SGCE: variants seen among roughly 807,000 people sequenced by gnomAD.
SGCE encodes the protein sarcoglycan epsilon.
In SGCE, 26 loss-of-function variants were observed where a neutral mutation model predicts 57.8. The observed-to-expected ratio is 0.45, with a 90% CI of 0.33 to 0.62. SGCE has a LOEUF of 0.62. SGCE is among the 20% of genes least tolerant of loss of function. The pLI is 0.02. For missense variants in SGCE, 468 were observed against 548.6 expected (o/e 0.85, Z 1.47); for synonymous variants, 183 against 189.5 (o/e 0.97, Z 0.28).
chr7:94,600,638 G>T lies in SGCE; in HGVS notation c.1037+8C>A. On this transcript the variant is annotated splice_region_variant and intron_variant, in intron 7 of 10. Coordinates refer to ENST00000648936, the MANE Select transcript of SGCE (RefSeq NM_003919.3). ...CTCTAATTATCTTATTAGTTTTAAAGTACTCACACGCCTTCCCGTCGGCAG... is the reference window on the plus strand; with the variant it reads ...CTCTAATTATCTTATTAGTTTTAAATTACTCACACGCCTTCCCGTCGGCAG... The T allele has an allele frequency of 6.3e-7, 1 of 1,599,824 alleles. No homozygotes were observed. The highest frequency in any genetic ancestry group is 8.6e-7 in the Non-Finnish European group (1 of 1,167,560).
chr7:94,654,334 A>G (rs886205354), intron 1 of SGCE, among the ~76,000 whole-genome samples: 6 of 152,168 alleles, frequency 3.9e-5, no homozygotes, highest in African/African-American at 1.2e-4. Context: ...CTTTTCATCT[A>G]TACTGGTTTT....
chr7:94,596,469 T>C (rs1050788512), intron 9 of SGCE, among the ~76,000 whole-genome samples: 20 of 152,120 alleles, frequency 1.3e-4, no homozygotes, highest in African/African-American at 4.8e-4. Flanking sequence ...CAGCACTGTT[T>C]GTTACATTAT....
chr7:94,615,467 A>T (rs1365648122), intron 5 of SGCE, among the ~76,000 whole-genome samples: 1 of 152,116 alleles, frequency 6.6e-6, no homozygotes, highest in African/African-American at 2.4e-5. Flanking sequence ...ACAATTTCAG[A>T]ACTCTACTGA....
chr7:94,591,385 C>T (rs947519068), intron 9 of SGCE, among the ~76,000 whole-genome samples: 58 of 152,242 alleles, frequency 3.8e-4, no homozygotes, highest in African/African-American at 1.3e-3. Context: ...TACACATAGG[C>T]GCACACCACA....
At chr7:94,616,071 G>C (rs1178135363) in intron 5 of SGCE, among the ~76,000 whole-genome samples, 1 of 152,134 alleles carries the variant, frequency 6.6e-6, no homozygotes, top group Non-Finnish European at 1.5e-5. Context: ...TGATTTAGGA[G>C]AAGTTTGAAA....
intron 3 of SGCE, chr7:94,627,865 C>T (rs945560068): frequency 1.2e-5 from 3 of 253,828 alleles, no homozygotes; most frequent in Non-Finnish European, 1.6e-5. Context: ...TTTCAATGAA[C>T]ATAAAACTTG....
chr7:94,587,605 G>T, intron 10 of SGCE: 2 of 1,381,698 alleles, frequency 1.4e-6, no homozygotes, highest in Non-Finnish European at 1.9e-6. Flanking sequence ...AACAAAGTTT[G>T]TTCCTTCATC....
At chr7:94,590,004 A>G (rs1290881806) in intron 9 of SGCE, 1 of 152,188 alleles carries the variant, frequency 6.6e-6, no homozygotes, top group Non-Finnish European at 1.5e-5. Context: ...TGTCATTTAA[A>G]TAACACACAT....
chr7:94,619,570 G>A (rs921944651), intron 4 of SGCE: 1 of 152,108 alleles, frequency 6.6e-6, no homozygotes, highest in Non-Finnish European at 1.5e-5. Flanking sequence ...AATATAATTT[G>A]TTACTCAAAT....
At chr7:94,654,181 AT>A (rs934465931) in intron 1 of SGCE, among the ~76,000 whole-genome samples, 8 of 152,126 alleles carry the variant, frequency 5.3e-5, no homozygotes, top group African/African-American at 1.9e-4. Context: ...ATGACCTGAA[AT>A]TACTTTTATT....
At chr7:94,605,824 T>C (rs1165414287) in intron 5 of SGCE, among the ~76,000 whole-genome samples, 1 of 151,928 alleles carries the variant, frequency 6.6e-6, no homozygotes, top group Non-Finnish European at 1.5e-5. Context: ...AGATTTATAT[T>C]TTATTTTATT....
intron 1 of SGCE, among the ~76,000 whole-genome samples, chr7:94,630,546 A>C (rs1429197308): frequency 6.6e-6 from 1 of 151,976 alleles, no homozygotes; most frequent in Non-Finnish European, 1.5e-5. Context: ...AAAATAATTT[A>C]AGTGAAATAA....
chr7:94,616,451 C>T (rs1462933461), intron 5 of SGCE, among the ~76,000 whole-genome samples: 1 of 152,110 alleles, frequency 6.6e-6, no homozygotes, highest in Non-Finnish European at 1.5e-5. Context: ...TATTTTTAAA[C>T]AAAAATTTTT....
chr7:94,641,456 A>G (rs78886783), intron 1 of SGCE, among the ~76,000 whole-genome samples: 2,299 of 152,300 alleles, frequency 0.015, 59 homozygotes, highest in African/African-American at 0.053. Flanking sequence ...GTATCTAAAT[A>G]GAGGAAAAGA....
rs978868528 is a variant in SGCE at position 94,598,924 on chromosome 7, G to T, written c.1104C>A (p.Thr368=). Reference sequence around the variant, plus strand: ...TCTTGGACATGTCTCGAAGCTCCTTGGTAGATTTCTGAATAGCACTGTGAT... The same window carrying T: ...TCTTGGACATGTCTCGAAGCTCCTTTGTAGATTTCTGAATAGCACTGTGAT... ...LVHHSAIQKS[T]KELRDMSKNR... Residue 368 remains threonine, a synonymous_variant, in exon 9 of 11, where the codon ACC becomes ACA. Transcript: ENST00000648936. 1 of 1,613,816 alleles carries T rather than the reference G, an allele frequency of 6.2e-7. No homozygotes were observed. The highest frequency in any genetic ancestry group is 8.5e-7 in the Non-Finnish European group (1 of 1,179,824).
intron 5 of SGCE, chr7:94,618,210 C>T (rs1274777086): frequency 6.5e-6 from 1 of 153,710 alleles, no homozygotes; most frequent in Non-Finnish European, 1.4e-5. Flanking sequence ...CATATCCCCA[C>T]AGGAACAGAT....
intron 9 of SGCE, chr7:94,589,804 C>A (rs1385223311): frequency 1.1e-5 from 2 of 186,096 alleles, no homozygotes; most frequent in East Asian, 1.6e-4. Context: ...AGGGCTCCCA[C>A]TGATTCTACA....
intron 5 of SGCE, among the ~76,000 whole-genome samples, 162 bp from the exon 6 acceptor site, chr7:94,603,614 CTTCCTTTCATTCA>C (rs1202497457): frequency 6.6e-6 from 1 of 152,078 alleles, no homozygotes; most frequent in Non-Finnish European, 1.5e-5. Flanking sequence ...CATGTAGGGG[CTTCCTTTCATTCA>C]TTCCTTTATT....
intron 5 of SGCE, among the ~76,000 whole-genome samples, chr7:94,605,977 C>T (rs184730144): frequency 2.5e-3 from 380 of 152,038 alleles, no homozygotes; most frequent in African/African-American, 6.2e-3. Context: ...TACAGGTGCC[C>T]GCCACCACAC....
Sources: gnomAD v4.1 joint callset for allele counts (sites outside exome capture counted in the v4.1 genomes callset) on GRCh38, gnomAD v4.1.1 for gene constraint, MANE v1.5 for transcripts, NCBI Gene and HGNC (gene_info 2026-07-23, HGNC 2026-07-21) for gene names.